GRM8: variants seen among roughly 807,000 people sequenced by gnomAD.
GRM8 encodes the protein glutamate metabotropic receptor 8.
In GRM8, 47 loss-of-function variants were observed where a neutral mutation model predicts 87.2. The observed-to-expected ratio is 0.54, with a 90% CI of 0.43 to 0.69. GRM8 has a LOEUF of 0.69. GRM8 is among the 30% of genes least tolerant of loss of function. GRM8 has a pLI of 0.00. For synonymous variants in GRM8, 396 were observed against 404.5 expected, an observed-to-expected ratio of 0.98 and a Z score of 0.25; for missense variants, 1,019 against 1,139.2, an observed-to-expected ratio of 0.89 and a Z score of 1.52.
chr7:126,994,237 C>T (rs1812957904), intron 3 of GRM8, among the ~76,000 whole-genome samples: 2 of 152,146 alleles, frequency 1.3e-5, no homozygotes, highest in Admixed American at 1.3e-4. Context: ...ACACTCTCGG[C>T]CAGAAGAGAA....
At chr7:126,755,424 G>A (rs1259928548) in intron 7 of GRM8, among the ~76,000 whole-genome samples, 1 of 151,662 alleles carries the variant, frequency 6.6e-6, no homozygotes, top group Non-Finnish European at 1.5e-5. Flanking sequence ...GCTTTTTTTT[G>A]CAGACGGCTG....
intron 8 of GRM8, among the ~76,000 whole-genome samples, chr7:126,576,262 T>G (rs1795105956): frequency 6.6e-6 from 1 of 152,046 alleles, no homozygotes; most frequent in Non-Finnish European, 1.5e-5. Flanking sequence ...TTCCCCAACT[T>G]TTTGTATTGT....
intron 2 of GRM8, among the ~76,000 whole-genome samples, chr7:127,201,486 T>C (rs1195678551): frequency 2.0e-5 from 3 of 152,158 alleles, no homozygotes. Context: ...ATGGTTAGAA[T>C]TTGCTAAAAT....
intron 3 of GRM8, among the ~76,000 whole-genome samples, chr7:126,980,190 A>C (rs954683500): frequency 8.5e-5 from 13 of 152,232 alleles, no homozygotes; most frequent in Non-Finnish European, 1.9e-4. Flanking sequence ...CATTCAACAA[A>C]TATTTATCAA....
intron 7 of GRM8, among the ~76,000 whole-genome samples, chr7:126,609,874 G>A (rs148876675): frequency 2.5e-4 from 38 of 152,272 alleles, no homozygotes; most frequent in African/African-American, 7.9e-4. Flanking sequence ...TGTACAATAC[G>A]AACTACAAAC....
chr7:126,977,153 A>C (rs1216272361), intron 3 of GRM8, among the ~76,000 whole-genome samples: 4 of 152,200 alleles, frequency 2.6e-5, no homozygotes, highest in Non-Finnish European at 5.9e-5. Flanking sequence ...GTGGCTAAAA[A>C]TTTTAAATAT....
intron 7 of GRM8, among the ~76,000 whole-genome samples, chr7:126,646,418 T>C (rs560670158): frequency 6.6e-6 from 1 of 152,278 alleles, no homozygotes; most frequent in African/African-American, 2.4e-5. Context: ...TCAAAAAAGT[T>C]ACCTAAAAGA....
intron 2 of GRM8, among the ~76,000 whole-genome samples, chr7:127,161,166 C>A (rs1376255311): frequency 2.6e-5 from 4 of 152,038 alleles, no homozygotes; most frequent in Non-Finnish European, 5.9e-5. Context: ...TTTTAAGAAC[C>A]ATGAACCTGA....
At chr7:127,060,685 T>A (rs187086586) in intron 3 of GRM8, among the ~76,000 whole-genome samples, 6 of 152,328 alleles carry the variant, frequency 3.9e-5, no homozygotes, top group African/African-American at 1.4e-4. Context: ...ATGCCTTTTT[T>A]AAATTCCAAA....
At chr7:127,110,492 T>C (rs2133116598) in intron 2 of GRM8, among the ~76,000 whole-genome samples, 1 of 152,326 alleles carries the variant, frequency 6.6e-6, no homozygotes, top group South Asian at 2.1e-4. Flanking sequence ...TTTCTTATTT[T>C]CTTTGTGCTG....
At chr7:127,238,205 T>C (rs1455614038) in intron 2 of GRM8, among the ~76,000 whole-genome samples, 1 of 152,272 alleles carries the variant, frequency 6.6e-6, no homozygotes, top group East Asian at 1.9e-4. Flanking sequence ...ATTATCCTAA[T>C]TGATACTTCT....
intron 9 of GRM8, among the ~76,000 whole-genome samples, chr7:126,475,466 A>G (rs890000458): frequency 2.6e-5 from 4 of 152,102 alleles, no homozygotes; most frequent in African/African-American, 9.6e-5. Flanking sequence ...AATTGAAGAA[A>G]GACACAAAAA....
chr7:126,572,223 T>C (rs906028928), intron 8 of GRM8, among the ~76,000 whole-genome samples: 1 of 151,922 alleles, frequency 6.6e-6, no homozygotes, highest in African/African-American at 2.4e-5. Flanking sequence ...AAGGATAAAA[T>C]TGAGAACATG....
intron 3 of GRM8, among the ~76,000 whole-genome samples, chr7:126,992,869 T>C (rs954909937): frequency 2.0e-5 from 3 of 151,870 alleles, no homozygotes; most frequent in Non-Finnish European, 4.4e-5. Context: ...AAAGAGGTCA[T>C]GTGAGCACAC....
chr7:126,741,339 C>A (rs1422478202), intron 7 of GRM8, among the ~76,000 whole-genome samples: 1 of 152,008 alleles, frequency 6.6e-6, no homozygotes, highest in Non-Finnish European at 1.5e-5. Flanking sequence ...ACCACCACCA[C>A]CAAAAATAAA....
intron 7 of GRM8, among the ~76,000 whole-genome samples, chr7:126,616,858 A>C (rs778927284): frequency 3.1e-4 from 47 of 152,194 alleles, no homozygotes; most frequent in Non-Finnish European, 1.0e-4. Flanking sequence ...GACCAATAAC[A>C]GGCTCTGAAA....
At chr7:126,461,857 G>A (rs1249229846) in intron 9 of GRM8, among the ~76,000 whole-genome samples, 2 of 151,618 alleles carry the variant, frequency 1.3e-5, no homozygotes, top group African/African-American at 4.8e-5. Context: ...GTAAGAGATT[G>A]TTTACATTGC....
intron 7 of GRM8, among the ~76,000 whole-genome samples, chr7:126,715,521 C>A (rs1188732548): frequency 6.6e-6 from 1 of 152,066 alleles, no homozygotes; most frequent in Non-Finnish European, 1.5e-5. Flanking sequence ...ATAAAATAGG[C>A]TAGAATCTAC....
At chr7:126,750,204 G>A (rs1816261434) in intron 7 of GRM8, among the ~76,000 whole-genome samples, 1 of 152,138 alleles carries the variant, frequency 6.6e-6, no homozygotes, top group Admixed American at 6.6e-5. Flanking sequence ...TTCGTGCTAA[G>A]TGGGAGAAAG....
Sources: gnomAD v4.1 joint callset for allele counts (sites outside exome capture counted in the v4.1 genomes callset) on GRCh38, gnomAD v4.1.1 for gene constraint, MANE v1.5 for transcripts, NCBI Gene and HGNC (gene_info 2026-07-23, HGNC 2026-07-21) for gene names.